The following DPF3 variants were observed in gnomAD, a reference collection of about 807,000 sequenced individuals.
The protein encoded by DPF3 is zinc finger protein DPF3.
DPF3 carries 18 observed loss-of-function variants against 56.8 expected under a neutral mutation model. The observed-to-expected ratio is 0.32, with a 90% CI of 0.22 to 0.47. The LOEUF is 0.47. Ranked by LOEUF, DPF3 falls within the 20% of genes least tolerant of loss-of-function variation. The probability of loss-of-function intolerance (pLI) is 1.00; values close to 1 mark genes in which losing one functional copy is unlikely to be tolerated. For synonymous variants in DPF3, 188 were observed against 180.2 expected (o/e 1.04, Z -0.35); for missense variants, 403 against 488.8 (o/e 0.82, Z 1.65).
chr14:72,761,618 T>C (rs1891072756), intron 2 of DPF3, among the ~76,000 whole-genome samples: 1 of 151,896 alleles, frequency 6.6e-6, no homozygotes, highest in African/African-American at 2.4e-5. Flanking sequence ...ATATCTTAAA[T>C]CAATGACCTG....
intron 1 of DPF3, among the ~76,000 whole-genome samples, chr14:72,785,753 A>G (rs1235389482): frequency 5.3e-5 from 8 of 152,236 alleles, no homozygotes; most frequent in Non-Finnish European, 1.2e-4. Context: ...AAAATATGCC[A>G]TCAGAGAAAT....
chr14:72,825,698 C>A, intron 1 of DPF3, among the ~76,000 whole-genome samples: 1 of 1,192 alleles, frequency 8.4e-4, no homozygotes, highest in Admixed American at 0.01. Flanking sequence ...TCTGCCCAGC[C>A]CAGCCCAGCC....
chr14:72,670,460 C>T (rs1886620108), intron 8 of DPF3: 2 of 985,796 alleles, frequency 2.0e-6, no homozygotes, highest in African/African-American at 1.7e-5. Flanking sequence ...GACATTTTCT[C>T]GCAAGCAGAG....
At chr14:72,668,797 T>C (rs985435503) in intron 8 of DPF3, among the ~76,000 whole-genome samples, 1 of 149,898 alleles carries the variant, frequency 6.7e-6, no homozygotes, top group Non-Finnish European at 1.5e-5. Context: ...TTTATTAACA[T>C]AGAAGCTCAC....
intron 1 of DPF3, among the ~76,000 whole-genome samples, chr14:72,782,781 C>T (rs543880735): frequency 3.3e-5 from 5 of 151,996 alleles, no homozygotes; most frequent in Admixed American, 1.3e-4. Flanking sequence ...TGCAGTGAGC[C>T]GAGATTGCAC....
intron 1 of DPF3, among the ~76,000 whole-genome samples, chr14:72,870,671 C>T (rs1044633099): frequency 1.3e-5 from 2 of 152,220 alleles, no homozygotes; most frequent in Non-Finnish European, 1.5e-5. Context: ...ACCAGTGCTT[C>T]TCCTACTTAT....
chr14:72,863,146 A>ATG (rs57171669), intron 1 of DPF3, among the ~76,000 whole-genome samples: 22,638 of 139,860 alleles, frequency 0.16, 2,224 homozygotes, highest in East Asian at 0.34. Flanking sequence ...GTATATATAT[A>ATG]TGTGTGTGTG....
At chr14:72,760,150 C>T (rs1459477495) in intron 2 of DPF3, among the ~76,000 whole-genome samples, 1 of 152,150 alleles carries the variant, frequency 6.6e-6, no homozygotes, top group Non-Finnish European at 1.5e-5. Context: ...ATTTTAAACT[C>T]ATTAAAAGAT....
intron 8 of DPF3, among the ~76,000 whole-genome samples, chr14:72,655,453 C>T (rs1055721404): frequency 2.6e-5 from 4 of 152,174 alleles, no homozygotes; most frequent in Admixed American, 6.5e-5. Flanking sequence ...GAAATCCATG[C>T]ACCAAAGATG....
chr14:72,653,291 G>A (rs2153568704), intron 8 of DPF3, among the ~76,000 whole-genome samples: 1 of 152,318 alleles, frequency 6.6e-6, no homozygotes, highest in Non-Finnish European at 1.5e-5. Flanking sequence ...TATTCAGCAT[G>A]TCAGGGAGGG....
intron 1 of DPF3, among the ~76,000 whole-genome samples, chr14:72,808,441 C>T (rs1274264677): frequency 6.6e-6 from 1 of 152,144 alleles, no homozygotes; most frequent in Non-Finnish European, 1.5e-5. Context: ...TCCCACCAGT[C>T]CTTGGTGTAA....
rs116113180 is a variant in DPF3, at chr14:72,804,247, C to A, written c.33-32354G>T. 4.4e-3 allele frequency among the ~76,000 whole-genome samples: 663 copies of A among 150,888 alleles called. 7 individuals carry two copies. The highest frequency in any genetic ancestry group is 0.016 in the African/African-American group (641 of 40,968). On this transcript the variant is annotated intron_variant, in intron 1 of 10. Transcript: ENST00000556509. ...CACGCAGACAAAGATTCCCCCCTTCCAGATCCACACTGCGTGCCTCCTGCC... is the reference window on the plus strand; with the variant it reads ...CACGCAGACAAAGATTCCCCCCTTCAAGATCCACACTGCGTGCCTCCTGCC...
chr14:72,667,577 G>A lies in DPF3; in HGVS notation c.871+6663C>T, dbSNP rs185205599. 1.0e-3 allele frequency among the ~76,000 whole-genome samples: 155 copies of A among 152,308 alleles called. 1 individual carries two copies. The highest frequency in any genetic ancestry group is 8.9e-3 in the Admixed American group (136 of 15,298). On this transcript the variant is annotated intron_variant, in intron 8 of 10. Coordinates refer to ENST00000556509, the MANE Select transcript of DPF3 (RefSeq NM_001280542.3). ...ATTTAACAAAAGCAACAACAGAAAG[G>A]TGTGTTGACTGTTCACACAGCTCCT...
At chr14:72,659,196 G>A (rs1463816041) in intron 8 of DPF3, among the ~76,000 whole-genome samples, 1 of 152,120 alleles carries the variant, frequency 6.6e-6, no homozygotes, top group African/African-American at 2.4e-5. Flanking sequence ...TGTCATTTAT[G>A]TCACACCTGC....
chr14:72,672,410 C>T (rs922088000), intron 8 of DPF3, among the ~76,000 whole-genome samples: 2 of 152,230 alleles, frequency 1.3e-5, no homozygotes, highest in South Asian at 4.1e-4. Flanking sequence ...TAGGGAGGCT[C>T]CAGAGAAGTA....
chr14:72,858,081 G>A (rs1885239427), intron 1 of DPF3, among the ~76,000 whole-genome samples: 1 of 151,994 alleles, frequency 6.6e-6, no homozygotes, highest in Non-Finnish European at 1.5e-5. Context: ...CAGGCAGGCG[G>A]ATTACTTGAG....
chr14:72,612,377 T>C lies in DPF3; in HGVS notation c.*6920A>G. 1 of 483,694 alleles carries C rather than the reference T, an allele frequency of 2.1e-6. No individual in the cohort carries two copies. The highest frequency in any genetic ancestry group is 2.1e-5 in the Admixed American group (1 of 48,544). 30.0% of individuals were successfully genotyped at this position (483,694 alleles called of 1,614,324 possible). On this transcript the variant is annotated 3_prime_UTR_variant, in exon 11 of 11. Coordinates refer to ENST00000556509, the MANE Select transcript of DPF3 (RefSeq NM_001280542.3). ...GCTCCCCACCTCCTCTGCTCTGAGA[T>C]AATCATTCTATATTTTCATGCTCTT...
intron 9 of DPF3, among the ~76,000 whole-genome samples, chr14:72,624,660 A>G (rs898526294): frequency 7.2e-5 from 11 of 152,190 alleles, no homozygotes; most frequent in African/African-American, 2.4e-4. Context: ...TCTCTTTACC[A>G]GGGATCCAAT....
intron 8 of DPF3, among the ~76,000 whole-genome samples, chr14:72,646,555 T>C (rs1291675146): frequency 1.3e-5 from 2 of 152,100 alleles, no homozygotes; most frequent in African/African-American, 4.8e-5. Flanking sequence ...TGGAGGCTGC[T>C]CATAAATCAG....
Sources: allele counts gnomAD v4.1 joint callset (sites outside exome capture counted in the v4.1 genomes callset), GRCh38; gene constraint gnomAD v4.1.1; transcripts MANE v1.5; gene names NCBI Gene and HGNC (gene_info 2026-07-23, HGNC 2026-07-21).